Variants in CUX2 observed in about 807,000 individuals in gnomAD.
CUX2 encodes the protein homeobox protein cut-like 2.
In CUX2, 40 loss-of-function variants were observed where a neutral mutation model predicts 144.8. The ratio of observed to expected loss-of-function variants is 0.28; its 90% CI spans 0.21 to 0.36. The LOEUF is 0.36. Ranked by LOEUF, CUX2 falls within the 10% of genes least tolerant of loss-of-function variation. CUX2 has a pLI of 1.00. For synonymous variants in CUX2, 827 were observed against 875.6 expected (o/e 0.94, Z 0.98); for missense variants, 1,615 against 1,994.0 (o/e 0.81, Z 3.62).
At position 111,162,565 on chromosome 12, in the gene CUX2, G is replaced by A. The variant is rs140509826; in HGVS notation, c.64-51635G>A. ...CTGGGACAGCTCTCTCCATCACAGC[G>A]ATGATGGGACAGTGCTGAACAGCTC... On this transcript the variant is annotated intron_variant, in intron 1 of 21. Coordinates refer to ENST00000261726, the MANE Select transcript of CUX2 (RefSeq NM_015267.4). Among the ~76,000 whole-genome samples the A allele has an allele frequency of 2.2e-3, 338 of 152,340 alleles. 2 individuals carry two copies. The highest frequency in any genetic ancestry group is 4.8e-3 in the South Asian group (23 of 4,832).
At chr12:111,192,849 G>A (rs563955165) in intron 1 of CUX2, among the ~76,000 whole-genome samples, 1 of 152,334 alleles carries the variant, frequency 6.6e-6, no homozygotes, top group South Asian at 2.1e-4. Context: ...GCTATCCAAG[G>A]TGTGATGACA....
chr12:111,172,137 T>C (rs1309239305), intron 1 of CUX2, among the ~76,000 whole-genome samples: 1 of 151,084 alleles, frequency 6.6e-6, no homozygotes, highest in Non-Finnish European at 1.5e-5. Flanking sequence ...GCATGTGCCT[T>C]TGTGTGTGCA....
At chr12:111,208,258 G>A (rs1385961861) in intron 1 of CUX2, among the ~76,000 whole-genome samples, 1 of 152,070 alleles carries the variant, frequency 6.6e-6, no homozygotes, top group African/African-American at 2.4e-5. Context: ...ATATGTCTGA[G>A]TGTGAGGTGT....
intron 1 of CUX2, among the ~76,000 whole-genome samples, chr12:111,095,168 C>A (rs1392834344): frequency 6.6e-6 from 1 of 152,094 alleles, no homozygotes; most frequent in East Asian, 1.9e-4. Context: ...TGGTTAAGAG[C>A]ATGAGGGTGG....
intron 16 of CUX2, among the ~76,000 whole-genome samples, chr12:111,314,639 TAAAAAAA>T (rs954472479): frequency 7.7e-4 from 18 of 23,238 alleles, no homozygotes; most frequent in Admixed American, 2.4e-3. Flanking sequence ...AAACTCAGTC[TAAAAAAA>T]AAAAAAAAAA....
intron 1 of CUX2, among the ~76,000 whole-genome samples, chr12:111,193,079 G>A (rs1047574237): frequency 5.3e-5 from 8 of 152,222 alleles, no homozygotes; most frequent in Admixed American, 6.5e-5. Flanking sequence ...TTGGGTGAAG[G>A]AAAGAGTGAA....
chr12:111,256,770 TCCTC>T (rs1883837157), intron 3 of CUX2, among the ~76,000 whole-genome samples: 1 of 152,082 alleles, frequency 6.6e-6, no homozygotes, highest in Non-Finnish European at 1.5e-5. Context: ...GTTTCTTTCT[TCCTC>T]TGTAGAACAG....
At chr12:111,081,310 A>C (rs554654570) in intron 1 of CUX2, among the ~76,000 whole-genome samples, 1 of 152,202 alleles carries the variant, frequency 6.6e-6, no homozygotes, top group African/African-American at 2.4e-5. Flanking sequence ...TGTCTTTTTA[A>C]GTATGGGAAG....
In CUX2 at chr12:111,101,894, A is replaced by G. The variant is rs560746291; in HGVS notation, c.63+67654A>G. ...GTTTCCTTACCTGCAAAATCGGGCT[A>G]AATACAGTACCGACTACATGGGGAT... On this transcript the variant is annotated intron_variant, in intron 1 of 21. Coordinates refer to ENST00000261726, the MANE Select transcript of CUX2 (RefSeq NM_015267.4). 3.9e-5 allele frequency among the ~76,000 whole-genome samples: 6 copies of G among 152,334 alleles called. No individual in the cohort carries two copies. In the East Asian group the frequency reaches 1.2e-3, roughly 29 times the overall value.
intron 1 of CUX2, among the ~76,000 whole-genome samples, chr12:111,052,134 C>T (rs555019303): frequency 6.6e-6 from 1 of 152,262 alleles, no homozygotes; most frequent in African/African-American, 2.4e-5. Context: ...GTGACCTGCT[C>T]TCTCTGCCTG....
intron 3 of CUX2, among the ~76,000 whole-genome samples, chr12:111,234,690 G>T (rs1473632673): frequency 2.0e-5 from 3 of 151,330 alleles, no homozygotes; most frequent in Admixed American, 2.0e-4. Flanking sequence ...CCGGTGAGGT[G>T]ATCTGAGGCA....
intron 3 of CUX2, among the ~76,000 whole-genome samples, chr12:111,242,478 C>T (rs547198599): frequency 6.6e-6 from 1 of 152,156 alleles, no homozygotes; most frequent in Non-Finnish European, 1.5e-5. Context: ...ATACTTGCTC[C>T]GTGGCTCTTG....
At chr12:111,240,291 G>T (rs1223833365) in intron 3 of CUX2, among the ~76,000 whole-genome samples, 1 of 152,324 alleles carries the variant, frequency 6.6e-6, no homozygotes, top group East Asian at 1.9e-4. Context: ...CAGGTGAACA[G>T]CCCAGAACCA....
intron 1 of CUX2, 106 bp from the exon 2 acceptor site, chr12:111,214,094 A>T (rs920095008): frequency 1.9e-6 from 1 of 537,112 alleles, no homozygotes; most frequent in Non-Finnish European, 3.1e-6. Context: ...TAAGTTAAGA[A>T]AACTTGTTCA....
Position 111,334,553 on chromosome 12 carries a change from G to A in CUX2, c.3039G>A (p.Gln1013=). 53 of 1,613,888 alleles carry A rather than the reference G, an allele frequency of 3.3e-5. No individual in the cohort carries two copies. Among genetic ancestry groups the A allele is most frequent in the Non-Finnish European group, 4.5e-5 (53 of 1,179,990 alleles). Residue 1013 remains glutamine (Q), a synonymous_variant, in exon 19 of 22, where the codon CAG becomes CAA. Transcript: ENST00000261726. ...SLSLESSKEN[Q]QPEGRSSSSL... ...CCCTGGAGAGCAGCAAGGAGAACCA[G>A]CAGCCAGAGGGCCGCTCCAGCTCCT...
chr12:111,270,016 T>G (rs1027573002), intron 4 of CUX2, among the ~76,000 whole-genome samples: 1 of 152,186 alleles, frequency 6.6e-6, no homozygotes, highest in Non-Finnish European at 1.5e-5. Context: ...CATAACAAAA[T>G]GTTTTAATGA....
intron 1 of CUX2, among the ~76,000 whole-genome samples, chr12:111,121,718 A>C (rs1188170769): frequency 6.6e-6 from 1 of 152,106 alleles, no homozygotes; most frequent in Admixed American, 6.6e-5. Flanking sequence ...TTTAAGAAAA[A>C]CAGGATTTTA....
intron 1 of CUX2, among the ~76,000 whole-genome samples, chr12:111,092,896 C>A (rs1872625760): frequency 6.6e-6 from 1 of 150,442 alleles, no homozygotes; most frequent in Admixed American, 6.6e-5. Context: ...CTTACTACAG[C>A]CTCTGCCTCC....
chr12:111,134,518 C>T (rs2136113563), intron 1 of CUX2, among the ~76,000 whole-genome samples: 2 of 152,250 alleles, frequency 1.3e-5, no homozygotes, highest in South Asian at 4.1e-4. Context: ...CCTTAAAATT[C>T]TGTTCCTCTC....
Sources: allele counts gnomAD v4.1 joint callset (sites outside exome capture counted in the v4.1 genomes callset), GRCh38; gene constraint gnomAD v4.1.1; transcripts MANE v1.5; gene names NCBI Gene and HGNC (gene_info 2026-07-23, HGNC 2026-07-21).